LRMDA: variants seen among roughly 807,000 people sequenced by gnomAD.
LRMDA encodes the protein leucine-rich melanocyte differentiation-associated protein.
In LRMDA, 18 loss-of-function variants were observed where a neutral mutation model predicts 29.8. That is an observed-to-expected ratio of 0.60 (90% CI 0.42 to 0.90). The LOEUF is 0.90. Ranked by LOEUF, LRMDA falls within the 40% of genes least tolerant of loss-of-function variation. The pLI, the probability that LRMDA is intolerant of heterozygous loss-of-function variation, is 0.00. For synonymous variants in LRMDA, 125 were observed against 109.4 expected, an observed-to-expected ratio of 1.14 and a Z score of -0.89; for missense variants, 273 against 273.9, an observed-to-expected ratio of 1.00 and a Z score of 0.02.
At chr10:76,363,203 A>G (rs1409804355) in intron 6 of LRMDA, among the ~76,000 whole-genome samples, 2 of 18,840 alleles carry the variant, frequency 1.1e-4, no homozygotes, top group East Asian at 1.2e-3. Context: ...GGAGGGAGGG[A>G]GGGAGGGAAG....
At chr10:76,492,895 C>T (rs544925115) in intron 6 of LRMDA, among the ~76,000 whole-genome samples, 2 of 152,108 alleles carry the variant, frequency 1.3e-5, no homozygotes, top group Admixed American at 6.6e-5. Flanking sequence ...ATTCAAGGGT[C>T]CTGCCTTGAC....
At chr10:76,427,851 A>C (rs1016415609) in intron 6 of LRMDA, among the ~76,000 whole-genome samples, 1 of 152,166 alleles carries the variant, frequency 6.6e-6, no homozygotes, top group Admixed American at 6.5e-5. Flanking sequence ...TTCTGCATCT[A>C]TTGAGATAAT....
chr10:76,385,491 GTC>G (rs1450606421), intron 6 of LRMDA, among the ~76,000 whole-genome samples: 1 of 152,178 alleles, frequency 6.6e-6, no homozygotes, highest in Non-Finnish European at 1.5e-5. Flanking sequence ...TGAATGGTCT[GTC>G]TGTGATCTCT....
chr10:75,512,114 T>A (rs966238150), intron 2 of LRMDA, among the ~76,000 whole-genome samples: 1 of 152,234 alleles, frequency 6.6e-6, no homozygotes, highest in African/African-American at 2.4e-5. Flanking sequence ...CACTTTCATC[T>A]GTTTGGACAA....
intron 2 of LRMDA, among the ~76,000 whole-genome samples, chr10:75,924,408 A>G (rs1846082785): frequency 6.6e-6 from 1 of 152,238 alleles, no homozygotes; most frequent in Admixed American, 6.5e-5. Context: ...GGATTTAACA[A>G]TGGATATCAG....
intron 2 of LRMDA, among the ~76,000 whole-genome samples, chr10:75,861,975 C>A (rs904248700): frequency 1.3e-5 from 2 of 152,086 alleles, no homozygotes; most frequent in Admixed American, 6.6e-5. Flanking sequence ...GCTATCCCCC[C>A]CAAGATTCTT....
At chr10:76,505,982 C>T (rs1179098896) in intron 6 of LRMDA, among the ~76,000 whole-genome samples, 1 of 152,106 alleles carries the variant, frequency 6.6e-6, no homozygotes, top group Non-Finnish European at 1.5e-5. Context: ...AGGATCTGTA[C>T]TTAAAGCTGG....
intron 6 of LRMDA, among the ~76,000 whole-genome samples, chr10:76,490,989 T>G (rs1255084184): frequency 6.6e-6 from 1 of 151,994 alleles, no homozygotes; most frequent in African/African-American, 2.4e-5. Flanking sequence ...AAATAATATC[T>G]TATAACTCAT....
intron 5 of LRMDA, among the ~76,000 whole-genome samples, chr10:76,117,545 A>T (rs978414881): frequency 1.3e-5 from 2 of 152,222 alleles, no homozygotes; most frequent in Non-Finnish European, 2.9e-5. Flanking sequence ...GATTTTTGTC[A>T]TGGGTTTCAC....
chr10:75,843,496 A>G (rs946928606), intron 2 of LRMDA, among the ~76,000 whole-genome samples: 3 of 152,168 alleles, frequency 2.0e-5, no homozygotes, highest in African/African-American at 7.2e-5. Context: ...GGGAACTTAG[A>G]TGAGTTTCCT....
intron 5 of LRMDA, among the ~76,000 whole-genome samples, chr10:76,259,199 G>A (rs1473438125): frequency 1.3e-5 from 2 of 151,832 alleles, no homozygotes; most frequent in Non-Finnish European, 2.9e-5. Flanking sequence ...TTTGATTTAC[G>A]TTTCCTTGAT....
At chr10:76,318,991 G>T (rs2758967) in intron 5 of LRMDA, 1 of 152,062 alleles carries the variant, frequency 6.6e-6, no homozygotes, top group African/African-American at 2.4e-5. Context: ...CTCACTGCAA[G>T]CTCCGCCTCC....
At chr10:75,711,052 A>G (rs1842429812) in intron 2 of LRMDA, among the ~76,000 whole-genome samples, 1 of 152,272 alleles carries the variant, frequency 6.6e-6, no homozygotes, top group South Asian at 2.1e-4. Context: ...TTCAATAAAA[A>G]AGTGAATAGT....
At chr10:75,609,452 A>G (rs181227860) in intron 2 of LRMDA, among the ~76,000 whole-genome samples, 1 of 152,308 alleles carries the variant, frequency 6.6e-6, no homozygotes, top group Non-Finnish European at 1.5e-5. Context: ...ACCATTGTCC[A>G]TTGGCCTTCC....
intron 2 of LRMDA, among the ~76,000 whole-genome samples, chr10:75,592,736 C>T (rs1840739169): frequency 6.6e-6 from 1 of 152,154 alleles, no homozygotes; most frequent in Non-Finnish European, 1.5e-5. Context: ...CTATTTTAAG[C>T]GAGGAAAATT....
chr10:75,559,272 C>T (rs912634579), intron 2 of LRMDA, among the ~76,000 whole-genome samples: 1 of 150,944 alleles, frequency 6.6e-6, no homozygotes, highest in African/African-American at 2.4e-5. Flanking sequence ...TTGCATTTCT[C>T]TGATGGCCAG....
chr10:75,638,894 T>C (rs1296974004), intron 2 of LRMDA, among the ~76,000 whole-genome samples: 1 of 152,376 alleles, frequency 6.6e-6, no homozygotes, highest in East Asian at 1.9e-4. Flanking sequence ...GGATTTCTTA[T>C]ACATTTTAAT....
At chr10:76,075,422 T>C in intron 5 of LRMDA, among the ~76,000 whole-genome samples, 1 of 152,198 alleles carries the variant, frequency 6.6e-6, no homozygotes, top group Non-Finnish European at 1.5e-5. Context: ...AAACCAGCCC[T>C]GTGGGCACCT....
intron 6 of LRMDA, among the ~76,000 whole-genome samples, chr10:76,478,852 A>G (rs894983590): frequency 4.1e-5 from 6 of 147,938 alleles, no homozygotes; most frequent in African/African-American, 1.5e-4. Context: ...AACAATGAGA[A>G]CACTTCGACA....
Sources: gnomAD v4.1 joint callset for allele counts (sites outside exome capture counted in the v4.1 genomes callset) on GRCh38, gnomAD v4.1.1 for gene constraint, MANE v1.5 for transcripts, NCBI Gene and HGNC (gene_info 2026-07-23, HGNC 2026-07-21) for gene names.